TBC1D22B: variants seen among roughly 807,000 people sequenced by gnomAD.
The protein encoded by TBC1D22B is chromosome 6 open reading frame 197.
Under a neutral mutation model 69.1 loss-of-function variants are expected in TBC1D22B, and 32 were observed. The ratio of observed to expected loss-of-function variants is 0.46; its 90% CI spans 0.35 to 0.62. The LOEUF is 0.62. Ranked by LOEUF, TBC1D22B falls within the 20% of genes least tolerant of loss-of-function variation. The pLI, the probability that TBC1D22B is intolerant of heterozygous loss-of-function variation, is 0.00. For synonymous variants in TBC1D22B, 206 were observed against 229.8 expected, an observed-to-expected ratio of 0.90 and a Z score of 0.94; for missense variants, 462 against 630.9, an observed-to-expected ratio of 0.73 and a Z score of 2.87.
intron 12 of TBC1D22B, among the ~76,000 whole-genome samples, chr6:37,325,329 C>G (rs1768358293): frequency 6.6e-6 from 1 of 152,050 alleles, no homozygotes; most frequent in South Asian, 2.1e-4. Context: ...AATTGGGAAT[C>G]TCTTTCTGAT....
In TBC1D22B at chr6:37,262,332, C is replaced by T. The variant is rs148370850; in HGVS notation, c.56+4359C>T. 3.4e-3 allele frequency among the ~76,000 whole-genome samples: 516 copies of T among 152,128 alleles called. 1 individual carries two copies. Among genetic ancestry groups the T allele is most frequent in the African/African-American group, 0.012 (478 of 41,490 alleles). On this transcript the variant is annotated intron_variant, in intron 1 of 12. Transcript: ENST00000373491. Reference sequence around the variant, plus strand: ...TTCTGAGATTATAGGTGTGAGCCACCGTGCCCAGCCCTGGCTAATTTTTGT... The same window carrying T: ...TTCTGAGATTATAGGTGTGAGCCACTGTGCCCAGCCCTGGCTAATTTTTGT...
chr6:37,258,830 TA>T (rs747253169), intron 1 of TBC1D22B, among the ~76,000 whole-genome samples: 30 of 152,330 alleles, frequency 2.0e-4, no homozygotes, highest in Non-Finnish European at 4.0e-4. Flanking sequence ...ATTTCAGTCG[TA>T]AATTTAAGAT....
chr6:37,322,609 A>C (rs1768283717), intron 12 of TBC1D22B, among the ~76,000 whole-genome samples: 1 of 152,232 alleles, frequency 6.6e-6, no homozygotes, highest in African/African-American at 2.4e-5. Context: ...CTATCCCCAT[A>C]GGTGTTTGTA....
chr6:37,288,333 A>G (rs1286599270), intron 7 of TBC1D22B, among the ~76,000 whole-genome samples: 1 of 152,124 alleles, frequency 6.6e-6, no homozygotes, highest in Non-Finnish European at 1.5e-5. Context: ...CTTATTCCTC[A>G]TTTTAACTTG....
intron 7 of TBC1D22B, among the ~76,000 whole-genome samples, chr6:37,287,740 C>T (rs936535542): frequency 6.6e-6 from 1 of 152,162 alleles, no homozygotes; most frequent in Non-Finnish European, 1.5e-5. Context: ...TTCCGTTGTA[C>T]ATATGTAACA....
At chr6:37,289,164 C>G (rs1464768117) in intron 7 of TBC1D22B, among the ~76,000 whole-genome samples, 1 of 152,214 alleles carries the variant, frequency 6.6e-6, no homozygotes, top group East Asian at 1.9e-4. Flanking sequence ...TCTCAAAATG[C>G]TGGAATTACA....
intron 1 of TBC1D22B, among the ~76,000 whole-genome samples, chr6:37,267,413 TATATAC>T (rs1766326664): frequency 1.4e-5 from 2 of 140,704 alleles, no homozygotes; most frequent in Middle Eastern, 3.3e-3. Flanking sequence ...ATATAATATA[TATATAC>T]ACATATAATA....
chr6:37,325,415 T>A (rs1436343100), intron 12 of TBC1D22B, among the ~76,000 whole-genome samples: 1 of 152,192 alleles, frequency 6.6e-6, no homozygotes, highest in African/African-American at 2.4e-5. Context: ...AGTGCTCCCA[T>A]GAACTGGCTT....
chr6:37,289,179 G>A (rs762672952), intron 7 of TBC1D22B, among the ~76,000 whole-genome samples: 2 of 152,182 alleles, frequency 1.3e-5, no homozygotes, highest in Admixed American at 6.5e-5. Context: ...ATTACAAGGC[G>A]TGAGCCACCA....
chr6:37,270,556 T>C (rs1766452591), intron 2 of TBC1D22B, among the ~76,000 whole-genome samples: 1 of 152,228 alleles, frequency 6.6e-6, no homozygotes, highest in South Asian at 2.1e-4. Context: ...TCTAGTTAAA[T>C]CCAAGATGTG....
In TBC1D22B at chr6:37,286,913, C is replaced by T; in HGVS notation, c.802-94C>T. The T allele has an allele frequency of 3.5e-6, 4 of 1,155,208 alleles. No homozygotes were observed. The South Asian group carries it at 5.4e-5, about 16-fold the overall frequency. The allele number at this position is 1,155,208 out of a possible 1,614,324, so 71.6% of individuals were successfully genotyped here. The stretch of plus-strand genomic sequence containing the variant: ...GAGCTGAGATAGTGCCATTGCACTC[C>T]AGCCTGGGGGACAAGAGCGAGACTT... On this transcript the variant is annotated intron_variant, in intron 6 of 12. Transcript: ENST00000373491.
chr6:37,282,880 A>T lies in TBC1D22B; in HGVS notation c.602-2A>T. 1 of 1,614,064 alleles carries T rather than the reference A, an allele frequency of 6.2e-7. No individual in the cohort carries two copies. Among genetic ancestry groups the T allele is most frequent in the South Asian group, 1.1e-5 (1 of 91,084 alleles). ...CCTAACAAGGCTGTTTTCTATTTAC[A>T]GATGAACTGAGGAAGTGTAGCTGGC... On this transcript the variant is annotated splice_acceptor_variant, in intron 4 of 12. Transcript: ENST00000373491. LOFTEE classifies it high-confidence loss of function.
chr6:37,325,423 C>G (rs993044538), intron 12 of TBC1D22B, among the ~76,000 whole-genome samples: 2 of 152,040 alleles, frequency 1.3e-5, no homozygotes, highest in Non-Finnish European at 2.9e-5. Flanking sequence ...CATGAACTGG[C>G]TTTGTAACAA....
chr6:37,258,638 A>G (rs1765937291), intron 1 of TBC1D22B, among the ~76,000 whole-genome samples: 2 of 152,202 alleles, frequency 1.3e-5, no homozygotes, highest in Non-Finnish European at 2.9e-5. Context: ...TCTTGTGCAA[A>G]TGCACTAAAT....
At chr6:37,269,440 A>G (rs1376002090) in intron 1 of TBC1D22B, among the ~76,000 whole-genome samples, 154 bp from the exon 2 acceptor site, 2 of 152,200 alleles carry the variant, frequency 1.3e-5, no homozygotes, top group Non-Finnish European at 2.9e-5. Context: ...TTTAACGGGT[A>G]GATTGCTCTC....
intron 2 of TBC1D22B, among the ~76,000 whole-genome samples, chr6:37,276,674 T>C (rs573396877): frequency 5.8e-4 from 89 of 152,250 alleles, no homozygotes; most frequent in African/African-American, 2.1e-3. Context: ...CTCATACTTG[T>C]AATCCCAGCA....
chr6:37,326,729 G>C (rs1417322385), intron 12 of TBC1D22B, among the ~76,000 whole-genome samples: 1 of 152,028 alleles, frequency 6.6e-6, no homozygotes, highest in African/African-American at 2.4e-5. Context: ...TGGAGGTGGT[G>C]GTGAGCCAAG....
chr6:37,325,540 C>CTT lies in TBC1D22B; in HGVS notation c.1390-5478_1390-5477dup, dbSNP rs70977648. On this transcript the variant is annotated intron_variant, in intron 12 of 12. Transcript: ENST00000373491. ...CCCCCAGCCATAATTATCGTTTCTA[C>CTT]TTTTTTTTTTTTTTTTTTTTTTTTT... 5.1e-4 allele frequency among the ~76,000 whole-genome samples: 39 copies of CTT among 77,170 alleles called. 3 individuals carry two copies. Among genetic ancestry groups the CTT allele is most frequent in the East Asian group, 2.3e-3 (6 of 2,604 alleles). 50.6% of individuals were successfully genotyped at this position (77,170 alleles called of 152,430 possible). A position where few individuals can be genotyped will look rare whatever the true frequency, so the allele number is the denominator to read the frequency against.
At chr6:37,312,278 C>T (rs1315667997) in intron 8 of TBC1D22B, among the ~76,000 whole-genome samples, 2 of 152,170 alleles carry the variant, frequency 1.3e-5, no homozygotes, top group Non-Finnish European at 2.9e-5. Flanking sequence ...CTGTGGAACC[C>T]CCCCTTTTTT....
Sources: allele counts gnomAD v4.1 joint callset (sites outside exome capture counted in the v4.1 genomes callset), GRCh38; gene constraint gnomAD v4.1.1; transcripts MANE v1.5; gene names NCBI Gene and HGNC (gene_info 2026-07-23, HGNC 2026-07-21).